The following FABP6 variants were observed in gnomAD, a reference collection of about 807,000 sequenced individuals.
FABP6 encodes gastrotropin.
Under a neutral mutation model 14.9 loss-of-function variants are expected in FABP6, and 13 were observed. The ratio of observed to expected loss-of-function variants is 0.87; its 90% CI spans 0.57 to 1.39. The LOEUF is 1.39. Among genes scored for constraint, FABP6 ranks in the 40% most tolerant of loss-of-function variants. FABP6 has a pLI of 0.00. For synonymous variants in FABP6, 75 were observed against 63.6 expected (o/e 1.18, Z -0.85); for missense variants, 161 against 167.2 (o/e 0.96, Z 0.20).
At chr5:160,209,108 G>A (rs745699411) in intron 2 of FABP6, among the ~76,000 whole-genome samples, 4 of 151,986 alleles carry the variant, frequency 2.6e-5, no homozygotes, top group East Asian at 1.9e-4. Context: ...AAAAGAATTA[G>A]TCAAGTGTGG....
chr5:160,201,807 A>G (rs1312787272), intron 2 of FABP6, among the ~76,000 whole-genome samples: 1 of 152,140 alleles, frequency 6.6e-6, no homozygotes, highest in Non-Finnish European at 1.5e-5. Flanking sequence ...TCTATCACTC[A>G]GGCTGGAATG....
intron 3 of FABP6, among the ~76,000 whole-genome samples, chr5:160,237,970 T>C (rs924250566): frequency 6.6e-6 from 1 of 152,182 alleles, no homozygotes; most frequent in African/African-American, 2.4e-5. Context: ...GCTCTCTGTT[T>C]GCTACCCGCC....
intron 2 of FABP6, among the ~76,000 whole-genome samples, chr5:160,204,503 G>T (rs1008387759): frequency 2.6e-5 from 4 of 151,764 alleles, no homozygotes; most frequent in Non-Finnish European, 5.9e-5. Context: ...TTTTAGGGGG[G>T]GTGGGGATGG....
intron 3 of FABP6, among the ~76,000 whole-genome samples, chr5:160,218,759 C>A (rs62379616): frequency 2.0e-5 from 3 of 148,724 alleles, no homozygotes; most frequent in Non-Finnish European, 4.4e-5. Flanking sequence ...CTGCGCCTGG[C>A]CTTTTTTTTT....
At chr5:160,205,573 A>G (rs1759745396) in intron 2 of FABP6, among the ~76,000 whole-genome samples, 1 of 152,236 alleles carries the variant, frequency 6.6e-6, no homozygotes, top group Non-Finnish European at 1.5e-5. Context: ...AGTCTAAGCC[A>G]ACCCTGGTGG....
chr5:160,232,200 G>C lies in FABP6; in HGVS notation c.170G>C (p.Gly57Ala), dbSNP rs1286307413. Residue 57 changes from glycine (G) to alanine (A), a missense_variant, in exon 2 of 4, where the codon GGC becomes GCC. By Grantham distance (60) the Gly-to-Ala change is moderately conservative. Coordinates refer to ENST00000402432, the MANE Select transcript of FABP6 (RefSeq NM_001445.3). Reference sequence around the variant, plus strand: ...ACTTGGTCCCAGCACTACTCCGGGGGCCACACCATGACCAACAAGTTCACT... The same window carrying C: ...ACTTGGTCCCAGCACTACTCCGGGGCCCACACCATGACCAACAAGTTCACT... ...DFTWSQHYSG[G>A]HTMTNKFTVG... The C allele has an allele frequency of 5.6e-6, 9 of 1,613,254 alleles. No individual in the cohort carries two copies. In the African/African-American group the frequency reaches 1.1e-4, roughly 19 times the overall value.
At chr5:160,218,677 T>G (rs1421187417) in intron 3 of FABP6, among the ~76,000 whole-genome samples, 1 of 151,732 alleles carries the variant, frequency 6.6e-6, no homozygotes, top group Non-Finnish European at 1.5e-5. Context: ...GTTAGGGTGG[T>G]CTAGAACTCT....
intron 1 of FABP6, among the ~76,000 whole-genome samples, chr5:160,193,097 C>T (rs556341499): frequency 6.6e-6 from 1 of 152,222 alleles, no homozygotes; most frequent in Admixed American, 6.5e-5. Flanking sequence ...AATGAAGCCA[C>T]GGACCCTTGC....
At chr5:160,215,274 G>A (rs2113110728) in intron 3 of FABP6, among the ~76,000 whole-genome samples, 1 of 152,304 alleles carries the variant, frequency 6.6e-6, no homozygotes, top group African/African-American at 2.4e-5. Context: ...GGCACTTTGG[G>A]AGGACAAGGT....
At chr5:160,194,553 TAAATAAA>T (rs1296570413) in intron 1 of FABP6, among the ~76,000 whole-genome samples, 2 of 151,890 alleles carry the variant, frequency 1.3e-5, no homozygotes, top group African/African-American at 4.8e-5. Flanking sequence ...AAAAATTAAA[TAAATAAA>T]AAATAAAAAT....
upstream of FABP6, among the ~76,000 whole-genome samples, chr5:160,225,644 C>T (rs1024903867): frequency 1.8e-4 from 27 of 152,098 alleles, no homozygotes; most frequent in Non-Finnish European, 3.1e-4. Context: ...TTGTGATCCA[C>T]CTGCCTCAGC....
intron 1 of FABP6, among the ~76,000 whole-genome samples, chr5:160,189,925 C>G (rs1405471115): frequency 6.6e-6 from 1 of 152,172 alleles, no homozygotes; most frequent in Non-Finnish European, 1.5e-5. Context: ...AGCAAAGGCA[C>G]TGTGTGTGCC....
intron 3 of FABP6, among the ~76,000 whole-genome samples, chr5:160,222,521 A>G (rs1356268531): frequency 6.6e-6 from 1 of 152,000 alleles, no homozygotes; most frequent in Non-Finnish European, 1.5e-5. Flanking sequence ...TTTACTAGAG[A>G]TGGGGTTCCG....
At chr5:160,226,597 T>C (rs1760253208), upstream of FABP6, among the ~76,000 whole-genome samples, 3 of 151,958 alleles carry the variant, frequency 2.0e-5, no homozygotes, top group Admixed American at 2.0e-4. Flanking sequence ...CAAGGTATAC[T>C]TTGTCAAGGT....
intron 2 of FABP6, among the ~76,000 whole-genome samples, chr5:160,213,160 C>G (rs529023392): frequency 4.7e-4 from 71 of 152,314 alleles, no homozygotes; most frequent in African/African-American, 1.6e-3. Flanking sequence ...CATCTGTACC[C>G]TTTTCTATGT....
intron 2 of FABP6, among the ~76,000 whole-genome samples, chr5:160,233,412 C>T (rs1262466611): frequency 6.6e-6 from 1 of 152,290 alleles, no homozygotes; most frequent in Non-Finnish European, 1.5e-5. Context: ...AGTCATTTCA[C>T]TCCCCTGAGC....
At chr5:160,196,134 A>T (rs1236829538) in intron 1 of FABP6, among the ~76,000 whole-genome samples, 1 of 152,220 alleles carries the variant, frequency 6.6e-6, no homozygotes, top group African/African-American at 2.4e-5. Context: ...TGTCTACTGG[A>T]TCTCATGTCA....
At chr5:160,200,317 G>T (rs1759608353) in intron 2 of FABP6, among the ~76,000 whole-genome samples, 1 of 152,156 alleles carries the variant, frequency 6.6e-6, no homozygotes, top group Non-Finnish European at 1.5e-5. Context: ...ATCCCCATCT[G>T]ACCTCTGAAC....
chr5:160,237,080 C>T (rs188371791), intron 3 of FABP6, among the ~76,000 whole-genome samples: 1 of 152,254 alleles, frequency 6.6e-6, no homozygotes, highest in Admixed American at 6.5e-5. Flanking sequence ...TGGGTGAAAA[C>T]TGACATTTTG....
Sources: gnomAD v4.1 joint callset for allele counts (sites outside exome capture counted in the v4.1 genomes callset) on GRCh38, gnomAD v4.1.1 for gene constraint, MANE v1.5 for transcripts, NCBI Gene and HGNC (gene_info 2026-07-23, HGNC 2026-07-21) for gene names.